Variants in ZBTB7A observed in about 807,000 individuals in gnomAD.
ZBTB7A encodes the protein zinc finger and BTB domain-containing protein 7A.
A neutral mutation model predicts 26.7 loss-of-function variants in ZBTB7A; 7 were observed. The ratio of observed to expected loss-of-function variants is 0.26; its 90% CI spans 0.15 to 0.49. ZBTB7A has a LOEUF of 0.49. Ranked by LOEUF, ZBTB7A falls within the 20% of genes least tolerant of loss-of-function variation. The probability of loss-of-function intolerance (pLI) is 0.98; values close to 1 mark genes in which losing one functional copy is unlikely to be tolerated. For missense variants in ZBTB7A, 617 were observed against 919.5 expected, an observed-to-expected ratio of 0.67 and a Z score of 4.25; for synonymous variants, 452 against 441.0, an observed-to-expected ratio of 1.02 and a Z score of -0.31.
At position 4,054,549 on chromosome 19, in the gene ZBTB7A, C is replaced by A; in HGVS notation, c.684G>T (p.Arg228=). Residue 228 remains arginine, a synonymous_variant, in exon 2 of 3, where the codon CGG becomes CGT. Transcript: ENST00000322357. ...CCTCGTCCCCGTCCCCCGTCGGGGGCCGCTCGGCCGGGGGGCCCGGCCCAT... is the reference window on the plus strand; with the variant it reads ...CCTCGTCCCCGTCCCCCGTCGGGGGACGCTCGGCCGGGGGGCCCGGCCCAT... ...DFYGPGPPAE[R]PPTGDGDEGD... 6.8e-7 allele frequency: 1 copy of A among 1,464,128 alleles called. No individual in the cohort carries two copies. 90.7% of individuals were successfully genotyped at this position (1,464,128 alleles called of 1,614,324 possible). A position where few individuals can be genotyped will look rare whatever the true frequency, so the allele number is the denominator to read the frequency against.
intron 1 of ZBTB7A, among the ~76,000 whole-genome samples, chr19:4,063,805 G>A (rs1364010483): frequency 2.0e-5 from 3 of 152,182 alleles, no homozygotes; most frequent in South Asian, 4.1e-4. Flanking sequence ...ACCTTGGGCC[G>A]CTCTCTGCTT....
chr19:4,057,919 G>A (rs755388545), intron 1 of ZBTB7A, among the ~76,000 whole-genome samples: 17 of 152,134 alleles, frequency 1.1e-4, no homozygotes, highest in Non-Finnish European at 1.9e-4. Flanking sequence ...ACACAGTTGC[G>A]TCCAAACTCA....
rs867564002 is a variant in ZBTB7A at position 4,043,545 on chromosome 19, C to T, written c.*4207G>A. On this transcript the variant is annotated 3_prime_UTR_variant, in exon 3 of 3. Coordinates refer to ENST00000322357, the MANE Select transcript of ZBTB7A (RefSeq NM_015898.4). Reference sequence around the variant, plus strand: ...CTGTCTGTGCTCTGTACCCTGAGGGCGCCGCCCCGCCCCCCATTCACCAGG... The same window carrying T: ...CTGTCTGTGCTCTGTACCCTGAGGGTGCCGCCCCGCCCCCCATTCACCAGG... Among the ~76,000 whole-genome samples, 61 of 151,570 alleles carry T rather than the reference C, an allele frequency of 4.0e-4. No individual in the cohort carries two copies. The highest frequency in any genetic ancestry group is 3.4e-3 in the Middle Eastern group (1 of 294).
intron 1 of ZBTB7A, among the ~76,000 whole-genome samples, chr19:4,056,258 G>A (rs1041624452): frequency 3.3e-5 from 5 of 152,186 alleles, no homozygotes; most frequent in Non-Finnish European, 7.3e-5. Flanking sequence ...AGGACAGTCA[G>A]GTTTCCTGCC....
intron 1 of ZBTB7A, among the ~76,000 whole-genome samples, chr19:4,056,743 T>C (rs1229377859): frequency 5.3e-5 from 8 of 151,978 alleles, no homozygotes; most frequent in Non-Finnish European, 1.0e-4. Flanking sequence ...GGCACGTGCC[T>C]GTAATCCCAG....
chr19:4,062,922 G>A (rs1296239430), intron 1 of ZBTB7A, among the ~76,000 whole-genome samples: 1 of 152,106 alleles, frequency 6.6e-6, no homozygotes, highest in African/African-American at 2.4e-5. Flanking sequence ...CTGTCTGGAT[G>A]GGAAGACTGA....
Position 4,047,818 on chromosome 19 carries a change from T to C in ZBTB7A, c.1689A>G (p.Gly563=), listed in dbSNP as rs1304183405. The C allele has an allele frequency of 1.9e-6, 3 of 1,592,434 alleles. No individual in the cohort carries two copies. The African/African-American group carries it at 4.1e-5, about 22-fold the overall frequency. The change falls in exon 3 of 3, where the codon GGA becomes GGG. Residue 563 remains glycine (G), a synonymous_variant. Coordinates refer to ENST00000322357, the MANE Select transcript of ZBTB7A (RefSeq NM_015898.4). ...CGGGGCCACCTCCGCTGTCACCTCC[T>C]CCACCGGCGCCCGCTACATTCAACC... ...LGRLNVAGAG[G]GGDSGGGPGA...
chr19:4,066,608 G>T (rs1156765415), intron 1 of ZBTB7A, 74 bp downstream of exon 1: 1 of 151,696 alleles, frequency 6.6e-6, no homozygotes, highest in Non-Finnish European at 1.5e-5. Context: ...CGAGGGGGCA[G>T]CGGTGGCCGC....
chr19:4,048,274 C>A lies in ZBTB7A; in HGVS notation c.1263-30G>T. ...GGACGGGGCACGGGGCGGGCACGGT[C>A]AGTGGGGCCGGGGACCCCCGATCCC... On this transcript the variant is annotated intron_variant, in intron 2 of 2. Coordinates refer to ENST00000322357, the MANE Select transcript of ZBTB7A (RefSeq NM_015898.4). This position sits in a 1 kb window ranked among gnomAD's most constrained non-coding sequence, Gnocchi z 6.7. The A allele has an allele frequency of 6.5e-7, 1 of 1,544,748 alleles. No individual in the cohort carries two copies. Among genetic ancestry groups the A allele is most frequent in the Non-Finnish European group, 8.7e-7 (1 of 1,154,724 alleles).
At chr19:4,050,443 G>T (rs1382105849) in intron 2 of ZBTB7A, among the ~76,000 whole-genome samples, 1 of 152,192 alleles carries the variant, frequency 6.6e-6, no homozygotes, top group African/African-American at 2.4e-5. Context: ...CAGGGGTTGG[G>T]TGTGACTTGA....
Position 4,054,416 on chromosome 19 carries a change from C to T in ZBTB7A, c.817G>A (p.Gly273Ser). ...PPAATQNGHY[G>S]RGGEEEAASL... ...GCGGCCTCCTCCTCTCCGCCGCGGCCGTAGTGGCCGTTCTGCGTGGCGGCC... is the reference window on the plus strand; with the variant it reads ...GCGGCCTCCTCCTCTCCGCCGCGGCTGTAGTGGCCGTTCTGCGTGGCGGCC... Residue 273 changes from glycine to serine, a missense_variant, in exon 2 of 3, where the codon GGC becomes AGC. By Grantham distance (56) the Gly-to-Ser change is moderately conservative. This residue lies in a region of ZBTB7A where 331 missense variants were observed against 391.3 expected (regional missense o/e 0.85). Transcript: ENST00000322357. 1 of 1,372,764 alleles carries T rather than the reference C, an allele frequency of 7.3e-7. No homozygotes were observed. Among genetic ancestry groups the T allele is most frequent in the Non-Finnish European group, 9.3e-7 (1 of 1,072,750 alleles). 85.0% of individuals were successfully genotyped at this position (1,372,764 alleles called of 1,614,324 possible).
intron 1 of ZBTB7A, among the ~76,000 whole-genome samples, chr19:4,057,904 T>G (rs2040598350): frequency 6.6e-6 from 1 of 151,940 alleles, no homozygotes; most frequent in Admixed American, 6.6e-5. Context: ...GGCCCCACCA[T>G]GAGGACACAG....
Position 4,053,949 on chromosome 19 carries a change from T to C in ZBTB7A, c.1262+22A>G, listed in dbSNP as rs1424335902. 3 of 1,572,330 alleles carry C rather than the reference T, an allele frequency of 1.9e-6. No homozygotes were observed. In the Admixed American group the frequency reaches 5.2e-5, roughly 27 times the overall value. ...CTGGGGCAGAGAGCAGGACGGCGCC[T>C]CCCCCGCGGCGGGCAGCTCACCTGG... On this transcript the variant is annotated intron_variant, in intron 2 of 2. Transcript: ENST00000322357.
chr19:4,051,124 A>AAAAAAG (rs10690627), intron 2 of ZBTB7A, among the ~76,000 whole-genome samples: 4 of 136,020 alleles, frequency 2.9e-5, no homozygotes, highest in African/African-American at 5.2e-5. Flanking sequence ...AAAAAAAAAA[A>AAAAAAG]GTAGGTGTCT....
In ZBTB7A at chr19:4,052,267, C is replaced by T. The variant is rs768367919; in HGVS notation, c.1262+1704G>A. 6.6e-6 allele frequency among the ~76,000 whole-genome samples: 1 copy of T among 152,114 alleles called. No homozygotes were observed. The highest frequency in any genetic ancestry group is 1.5e-5 in the Non-Finnish European group (1 of 67,996). ...GCTCAGCCTGGTCCCCTCTGCAGAC[C>T]CCAGTTCTCTGCACCCCACCAAGCT... On this transcript the variant is annotated intron_variant, in intron 2 of 2. Coordinates refer to ENST00000322357, the MANE Select transcript of ZBTB7A (RefSeq NM_015898.4). This position sits in a 1 kb window ranked among gnomAD's most constrained non-coding sequence, Gnocchi z 4.9.
rs112330800 is a variant in ZBTB7A, at chr19:4,051,885, G to A, written c.1262+2086C>T. Among the ~76,000 whole-genome samples, 1,131 of 152,132 alleles carry A rather than the reference G, an allele frequency of 7.4e-3. 18 individuals carry two copies. Among genetic ancestry groups the A allele is most frequent in the African/African-American group, 0.026 (1,099 of 41,500 alleles). ...CGGGGTGGGGGCGGAGGTATCCCTA[G>A]TTTCATCACCCCGAGCCCCAGCCTG... On this transcript the variant is annotated intron_variant, in intron 2 of 2. Transcript: ENST00000322357.
At chr19:4,064,419 G>C (rs2040670197) in intron 1 of ZBTB7A, among the ~76,000 whole-genome samples, 2 of 152,192 alleles carry the variant, frequency 1.3e-5, no homozygotes. Context: ...GGGCCCCATG[G>C]CGGGTGGCCC....
rs1176837868 is a variant in ZBTB7A at position 4,043,733 on chromosome 19, C to G, written c.*4019G>C. ...CCCCTGGGCCCGGCCCCCCCCCCCC[C>G]CCCCCGTAAATCTATGTATTTAATG... is the stretch of plus-strand genomic sequence containing the variant. On this transcript the variant is annotated 3_prime_UTR_variant, in exon 3 of 3. Coordinates refer to ENST00000322357, the MANE Select transcript of ZBTB7A (RefSeq NM_015898.4). Among the ~76,000 whole-genome samples the G allele has an allele frequency of 2.5e-5, 3 of 118,098 alleles. No homozygotes were observed. The highest frequency in any genetic ancestry group is 7.9e-5 in the Admixed American group (1 of 12,700). 77.5% of individuals were successfully genotyped at this position (118,098 alleles called of 152,430 possible).
At chr19:4,053,502 GGTGTGCGT>G (rs1228515709) in intron 2 of ZBTB7A, among the ~76,000 whole-genome samples, 2 of 72,406 alleles carry the variant, frequency 2.8e-5, no homozygotes, top group Non-Finnish European at 4.6e-5. Flanking sequence ...TGCGTGCCTG[GGTGTGCGT>G]GTGTGCGTGC....
Sources: gnomAD v4.1 joint callset for allele counts (sites outside exome capture counted in the v4.1 genomes callset) on GRCh38, gnomAD v4.1.1 for gene constraint, gnomAD v4.1.1 regional missense constraint, Gnocchi (gnomAD v3.1) non-coding constraint, MANE v1.5 for transcripts, NCBI Gene and HGNC (gene_info 2026-07-23, HGNC 2026-07-21) for gene names.